The following RBFOX3 variants were observed in gnomAD, a reference collection of about 807,000 sequenced individuals.
RBFOX3 encodes RNA binding protein fox-1 homolog 3.
A neutral mutation model predicts 48.7 loss-of-function variants in RBFOX3; 17 were observed. That is an observed-to-expected ratio of 0.35 (90% CI 0.24 to 0.52). RBFOX3 has a LOEUF of 0.52. RBFOX3 is among the 20% of genes least tolerant of loss of function. The probability of loss-of-function intolerance (pLI) is 0.94; values close to 1 mark genes in which losing one functional copy is unlikely to be tolerated. For missense variants in RBFOX3, 382 were observed against 497.5 expected (o/e 0.77, Z 2.21); for synonymous variants, 212 against 209.5 (o/e 1.01, Z -0.10).
chr17:79,435,168 G>A (rs1568244463), intron 2 of RBFOX3, among the ~76,000 whole-genome samples: 2 of 152,178 alleles, frequency 1.3e-5, no homozygotes, highest in Non-Finnish European at 2.9e-5. Context: ...CCGCAGGGTG[G>A]ACAGTGAGTT....
chr17:79,120,619 A>C (rs774055791), intron 4 of RBFOX3, among the ~76,000 whole-genome samples: 1 of 129,850 alleles, frequency 7.7e-6, no homozygotes, highest in Non-Finnish European at 1.6e-5. Context: ...GAATGGATGG[A>C]AAGAAGGGTG....
intron 2 of RBFOX3, among the ~76,000 whole-genome samples, chr17:79,404,433 C>T (rs373503162): frequency 3.9e-4 from 60 of 152,362 alleles, no homozygotes; most frequent in African/African-American, 1.3e-3. Flanking sequence ...CCAGGCCACA[C>T]GGCCCCACTC....
In RBFOX3 at chr17:79,480,033, A is replaced by G. The variant is rs2078551797; in HGVS notation, c.-175+2421T>C. On this transcript the variant is annotated intron_variant, in intron 2 of 14. Transcript: ENST00000693108. The surrounding 1 kb of genome is among the most constrained non-coding windows in gnomAD (Gnocchi z 4.8). The stretch of plus-strand genomic sequence containing the variant: ...TGCAAGCACAGTGATCTTGGCACAG[A>G]GCGACCTGACCAGGAGCCGTAGTGG... Among the ~76,000 whole-genome samples, 1 of 152,192 alleles carries G rather than the reference A, an allele frequency of 6.6e-6. No homozygotes were observed. The highest frequency in any genetic ancestry group is 2.4e-5 in the African/African-American group (1 of 41,452).
chr17:79,655,277 C>T, the RBFOX3 span, among the ~76,000 whole-genome samples: 1 of 152,168 alleles, frequency 6.6e-6, no homozygotes, highest in African/African-American at 2.4e-5. Context: ...CTGACGGTGG[C>T]CAGGCCCTAG....
chr17:79,354,161 C>T (rs1386123428), intron 2 of RBFOX3, among the ~76,000 whole-genome samples: 2 of 152,186 alleles, frequency 1.3e-5, no homozygotes, highest in African/African-American at 2.4e-5. Context: ...ATACGGACAA[C>T]GTCATTGTCA....
chr17:79,509,362 T>C (rs937853086), intron 1 of RBFOX3, among the ~76,000 whole-genome samples: 3 of 151,604 alleles, frequency 2.0e-5, no homozygotes, highest in Admixed American at 6.6e-5. Context: ...CCACACCCCC[T>C]CCAGCCCCAG....
Position 79,481,208 on chromosome 17 carries a change from A to G in RBFOX3, c.-175+1246T>C, listed in dbSNP as rs1477241207. On this transcript the variant is annotated intron_variant, in intron 2 of 14. Transcript: ENST00000693108. The surrounding 1 kb of genome is among the most constrained non-coding windows in gnomAD (Gnocchi z 5.4). ...GTCCGGGCCTCTGGTCTCTTTGTCC[A>G]GGGTTCTCGTCGGCATCATCTGCTC... Among the ~76,000 whole-genome samples, 1 of 152,154 alleles carries G rather than the reference A, an allele frequency of 6.6e-6. No homozygotes were observed. Among genetic ancestry groups the G allele is most frequent in the African/African-American group, 2.4e-5 (1 of 41,436 alleles).
chr17:79,312,202 CAGG>C (rs2076944936), intron 2 of RBFOX3, among the ~76,000 whole-genome samples: 1 of 150,052 alleles, frequency 6.7e-6, no homozygotes, highest in Non-Finnish European at 1.5e-5. Flanking sequence ...TTAGGCACAC[CAGG>C]AGAAGTTTCA....
intron 2 of RBFOX3, among the ~76,000 whole-genome samples, chr17:79,429,698 A>G (rs2068060593): frequency 6.6e-6 from 1 of 151,866 alleles, no homozygotes; most frequent in African/African-American, 2.4e-5. Context: ...TAGGAGCTCC[A>G]TTTTACAGAA....
At chr17:79,255,869 G>T (rs975328332) in intron 3 of RBFOX3, among the ~76,000 whole-genome samples, 7 of 151,136 alleles carry the variant, frequency 4.6e-5, no homozygotes, top group African/African-American at 1.5e-4. Flanking sequence ...GGACTGAATC[G>T]ACACCACTTC....
At chr17:79,470,379 G>C (rs1389225704) in intron 2 of RBFOX3, among the ~76,000 whole-genome samples, 1 of 152,164 alleles carries the variant, frequency 6.6e-6, no homozygotes, top group Non-Finnish European at 1.5e-5. Context: ...GGTGGGCTAG[G>C]GCTGGACGGA....
At chr17:79,210,456 G>A (rs529603734) in intron 4 of RBFOX3, among the ~76,000 whole-genome samples, 43 of 152,268 alleles carry the variant, frequency 2.8e-4, no homozygotes, top group Admixed American at 2.6e-3. Flanking sequence ...CAGGTCTCAC[G>A]GCCGCACAAT....
Position 79,195,110 on chromosome 17 carries a change from T to C in RBFOX3, c.-34+40656A>G, listed in dbSNP as rs944069972. ...CCACGGGTAGCCTCTCAAGAAGAAG[T>C]GCAGGCCGGGTGCCGTGGCTGATGC... On this transcript the variant is annotated intron_variant, in intron 4 of 14. Transcript: ENST00000693108. The surrounding 1 kb of genome is among the most constrained non-coding windows in gnomAD (Gnocchi z 5.3). Among the ~76,000 whole-genome samples, 5 of 151,972 alleles carry C rather than the reference T, an allele frequency of 3.3e-5. No homozygotes were observed. Among genetic ancestry groups the C allele is most frequent in the African/African-American group, 4.8e-5 (2 of 41,380 alleles).
intron 1 of RBFOX3, among the ~76,000 whole-genome samples, chr17:79,562,604 C>T (rs2092285624): frequency 6.6e-6 from 1 of 152,182 alleles, no homozygotes; most frequent in Non-Finnish European, 1.5e-5. Context: ...TGACGTCCCC[C>T]GCAGCTTCTG....
chr17:79,261,241 T>C (rs561254526), intron 3 of RBFOX3, among the ~76,000 whole-genome samples: 15 of 152,336 alleles, frequency 9.8e-5, no homozygotes, highest in Non-Finnish European at 1.5e-4. Context: ...CTTTGTCTCC[T>C]GATGTACACA....
rs1442933151 is a variant in RBFOX3, at chr17:79,104,106, G to A, written c.381C>T (p.Asp127=). The A allele has an allele frequency of 2.3e-5, 36 of 1,551,198 alleles. No individual in the cohort carries two copies. The highest frequency in any genetic ancestry group is 2.2e-4 in the East Asian group (9 of 40,920). The part of the protein sequence containing the change: ...QMFGQFGKIL[D]VEIIFNERGS... ...CCCGCTCGTTAAAAATGATCTCCAC[G>A]TCTAAAATTTTTCCGAATTGCTGCA... is the stretch of plus-strand genomic sequence containing the variant. Residue 127 remains aspartate (D), a synonymous_variant, in exon 7 of 15, where the codon GAC becomes GAT. Transcript: ENST00000693108.
At chr17:79,169,904 A>C (rs2048796493) in intron 4 of RBFOX3, among the ~76,000 whole-genome samples, 1 of 152,116 alleles carries the variant, frequency 6.6e-6, no homozygotes, top group Non-Finnish European at 1.5e-5. Context: ...ATTAAAAGGA[A>C]AGGAAATGAA....
Position 79,477,367 on chromosome 17 carries a change from T to G in RBFOX3, c.-175+5087A>C, listed in dbSNP as rs371225077. ...GTCAGGAGATCGAGATCATCCTGGCTAACACGGTGAAACCCCGTCTCTACT... is the reference window on the plus strand; with the variant it reads ...GTCAGGAGATCGAGATCATCCTGGCGAACACGGTGAAACCCCGTCTCTACT... On this transcript the variant is annotated intron_variant, in intron 2 of 14. Coordinates refer to ENST00000693108, the MANE Select transcript of RBFOX3 (RefSeq NM_001350451.2). The surrounding 1 kb of genome is among the most constrained non-coding windows in gnomAD (Gnocchi z 4.8). Among the ~76,000 whole-genome samples the G allele has an allele frequency of 1.4e-5, 2 of 146,028 alleles. No individual in the cohort carries two copies. Among genetic ancestry groups the G allele is most frequent in the South Asian group, 2.2e-4 (1 of 4,480 alleles).
intron 2 of RBFOX3, among the ~76,000 whole-genome samples, chr17:79,425,193 C>A (rs1177726995): frequency 6.6e-6 from 1 of 152,220 alleles, no homozygotes; most frequent in African/African-American, 2.4e-5. Flanking sequence ...TCTGCCCAGG[C>A]CACCGCACCC....
Sources: allele counts gnomAD v4.1 joint callset (sites outside exome capture counted in the v4.1 genomes callset), GRCh38; gene constraint gnomAD v4.1.1; non-coding constraint Gnocchi (gnomAD v3.1); transcripts MANE v1.5; gene names NCBI Gene and HGNC (gene_info 2026-07-23, HGNC 2026-07-21).